Variants in ADGRL3 observed in about 807,000 individuals in gnomAD.
ADGRL3 encodes the protein adhesion G protein-coupled receptor L3.
Under a neutral mutation model 153.5 loss-of-function variants are expected in ADGRL3, and 62 were observed. The ratio of observed to expected loss-of-function variants is 0.40; its 90% CI spans 0.33 to 0.50. ADGRL3 has a LOEUF of 0.50. Among genes scored for constraint, ADGRL3 ranks in the 20% least tolerant of loss-of-function variants. ADGRL3 has a pLI of 0.47. For synonymous variants in ADGRL3, 710 were observed against 672.5 expected (o/e 1.06, Z -0.86); for missense variants, 1,641 against 1,859.4 (o/e 0.88, Z 2.16).
chr4:61,360,317 C>A (rs2096263793), intron 1 of ADGRL3, among the ~76,000 whole-genome samples: 1 of 151,906 alleles, frequency 6.6e-6, no homozygotes. Flanking sequence ...TAAAAGTGAC[C>A]AAAATCATTA....
At chr4:61,763,597 CAT>C (rs1211344931) in intron 8 of ADGRL3, among the ~76,000 whole-genome samples, 1 of 152,070 alleles carries the variant, frequency 6.6e-6, no homozygotes, top group Non-Finnish European at 1.5e-5. Flanking sequence ...TATAGTTTCT[CAT>C]GTGTATTAAC....
intron 8 of ADGRL3, among the ~76,000 whole-genome samples, chr4:61,764,703 C>T (rs964497628): frequency 6.6e-6 from 1 of 152,176 alleles, no homozygotes; most frequent in Non-Finnish European, 1.5e-5. Flanking sequence ...CCTGACATTC[C>T]TGCCTTCTTA....
chr4:61,624,254 T>C (rs1481452020), intron 5 of ADGRL3, among the ~76,000 whole-genome samples: 1 of 152,114 alleles, frequency 6.6e-6, no homozygotes, highest in African/African-American at 2.4e-5. Context: ...GTGGATTTGA[T>C]GGGCCAGAGT....
chr4:61,725,519 C>T (rs780871333), intron 6 of ADGRL3, among the ~76,000 whole-genome samples: 21 of 149,794 alleles, frequency 1.4e-4, no homozygotes, highest in South Asian at 2.1e-4. Context: ...GGTGTGAACC[C>T]GGGAGGCAGA....
At chr4:61,528,074 C>G (rs1245076727) in intron 4 of ADGRL3, among the ~76,000 whole-genome samples, 1 of 152,098 alleles carries the variant, frequency 6.6e-6, no homozygotes, top group African/African-American at 2.4e-5. Context: ...GTCCACAATG[C>G]CGGCTGTCCA....
In ADGRL3 at chr4:61,841,245, A is replaced by T. The variant is rs562953249; in HGVS notation, c.1480+27356A>T. ...AACATTTGAAAATCCAAGGAAAGAA[A>T]ATCCTTAGGCATAACTGAAAATTGT... is the stretch of plus-strand genomic sequence containing the variant. On this transcript the variant is annotated intron_variant, in intron 9 of 26. Coordinates refer to ENST00000683033, the MANE Select transcript of ADGRL3 (RefSeq NM_001387552.1). 4.0e-4 allele frequency among the ~76,000 whole-genome samples: 61 copies of T among 152,324 alleles called. 1 individual carries two copies. The highest frequency in any genetic ancestry group is 1.5e-3 in the South Asian group (7 of 4,826).
At chr4:61,610,600 A>G (rs1393141149) in intron 5 of ADGRL3, among the ~76,000 whole-genome samples, 3 of 152,176 alleles carry the variant, frequency 2.0e-5, no homozygotes, top group Non-Finnish European at 2.9e-5. Context: ...ATATAATTTC[A>G]TTGAATTTAT....
chr4:61,823,236 T>G (rs2097771518), intron 9 of ADGRL3, among the ~76,000 whole-genome samples: 3 of 152,184 alleles, frequency 2.0e-5, no homozygotes, highest in Non-Finnish European at 4.4e-5. Context: ...TTCAGAAAAG[T>G]GGTGGTATAG....
chr4:61,359,980 T>C (rs999146569), intron 1 of ADGRL3, among the ~76,000 whole-genome samples: 1 of 152,218 alleles, frequency 6.6e-6, no homozygotes, highest in Non-Finnish European at 1.5e-5. Context: ...TTAGTCATTA[T>C]CTGTAGTATT....
At chr4:61,488,412 G>C (rs1268378040) in intron 2 of ADGRL3, among the ~76,000 whole-genome samples, 1 of 151,640 alleles carries the variant, frequency 6.6e-6, no homozygotes, top group Non-Finnish European at 1.5e-5. Flanking sequence ...ACATGTTTTG[G>C]GTAACCTTAA....
In ADGRL3 at chr4:61,815,405, T is replaced by G. The variant is rs866887301; in HGVS notation, c.1480+1516T>G. Among the ~76,000 whole-genome samples, 10 of 152,328 alleles carry G rather than the reference T, an allele frequency of 6.6e-5. No homozygotes were observed. In the Middle Eastern group the frequency reaches 0.031, roughly 466 times the overall value. On this transcript the variant is annotated intron_variant, in intron 9 of 26. Coordinates refer to ENST00000683033, the MANE Select transcript of ADGRL3 (RefSeq NM_001387552.1). ...GAGAAACATATTTCTGGTGTTAGTG[T>G]AGGTAATAAGCTGATTGGAGAAGAG...
chr4:61,595,293 C>T (rs572017242), intron 5 of ADGRL3, among the ~76,000 whole-genome samples: 2 of 152,122 alleles, frequency 1.3e-5, no homozygotes, highest in South Asian at 2.1e-4. Flanking sequence ...GAAGCCAGCA[C>T]GTCTCAGAGC....
chr4:61,856,950 CTCTTTCTTTCTTTCTTTCTTTCTTTCTT>C (rs55713412), intron 9 of ADGRL3, among the ~76,000 whole-genome samples: 1 of 56,970 alleles, frequency 1.8e-5, no homozygotes, highest in Admixed American at 2.1e-4. Context: ...CTTTCTTCTT[CTCTTTCTTTCTTTCTTTCTTTCTTTCTT>C]TCTTTCTTTC....
intron 21 of ADGRL3, among the ~76,000 whole-genome samples, chr4:62,024,351 ATGTT>A (rs1367878624): frequency 3.9e-5 from 6 of 152,110 alleles, no homozygotes; most frequent in African/African-American, 7.2e-5. Flanking sequence ...ATATTCTAAA[ATGTT>A]TGTGATGTAT....
chr4:61,258,246 C>T (rs963421785), intron 1 of ADGRL3, among the ~76,000 whole-genome samples: 1 of 152,082 alleles, frequency 6.6e-6, no homozygotes, highest in African/African-American at 2.4e-5. Context: ...GACACTTTGC[C>T]CCACAAGTCA....
intron 25 of ADGRL3, among the ~76,000 whole-genome samples, chr4:62,062,145 T>G (rs1362085089): frequency 6.6e-6 from 1 of 152,072 alleles, no homozygotes; most frequent in African/African-American, 2.4e-5. Flanking sequence ...CATTTTTATT[T>G]TAGATATGTA....
intron 4 of ADGRL3, among the ~76,000 whole-genome samples, chr4:61,540,606 G>A (rs922189532): frequency 6.6e-6 from 1 of 151,988 alleles, no homozygotes; most frequent in Non-Finnish European, 1.5e-5. Context: ...TTTCTTCAAG[G>A]GATGTAAGAT....
At chr4:61,235,218 C>T (rs1752369583) in intron 1 of ADGRL3, among the ~76,000 whole-genome samples, 1 of 152,146 alleles carries the variant, frequency 6.6e-6, no homozygotes, top group South Asian at 2.1e-4. Context: ...CCTTGCTTAT[C>T]TACAATTTGT....
chr4:61,589,672 A>T (rs2098961490), intron 5 of ADGRL3, among the ~76,000 whole-genome samples: 1 of 152,208 alleles, frequency 6.6e-6, no homozygotes. Context: ...CAGCATGATT[A>T]TCACCGTATT....
Sources: allele counts gnomAD v4.1 joint callset (sites outside exome capture counted in the v4.1 genomes callset), GRCh38; gene constraint gnomAD v4.1.1; transcripts MANE v1.5; gene names NCBI Gene and HGNC (gene_info 2026-07-23, HGNC 2026-07-21).